Variants in SAR1A observed in about 807,000 individuals in gnomAD.
The protein encoded by SAR1A is small COPII coat GTPase SAR1A.
Under a neutral mutation model 22.6 loss-of-function variants are expected in SAR1A, and 6 were observed. The observed-to-expected ratio is 0.27, with a 90% CI of 0.15 to 0.52. The LOEUF (loss-of-function observed/expected upper bound fraction) is 0.52. Among genes scored for constraint, SAR1A ranks in the 20% least tolerant of loss-of-function variants. SAR1A has a pLI of 0.96. For synonymous variants in SAR1A, 70 were observed against 82.2 expected, an observed-to-expected ratio of 0.85 and a Z score of 0.80; for missense variants, 145 against 245.1, an observed-to-expected ratio of 0.59 and a Z score of 2.73.
chr10:70,165,960 A>G (rs1332542283), intron 1 of SAR1A, among the ~76,000 whole-genome samples: 1 of 152,252 alleles, frequency 6.6e-6, no homozygotes, highest in Non-Finnish European at 1.5e-5. Context: ...TGATCAGTCA[A>G]CAGCTATCAA....
rs1281998056 is a variant in SAR1A at position 70,149,109 on chromosome 10, G to A, written c.*3367C>T. On this transcript the variant is annotated 3_prime_UTR_variant, in exon 7 of 7. Transcript: ENST00000373241. Reference sequence around the variant, plus strand: ...GTACTTTTTATTTTTTTTGAGATGGGAGTCACCCAGGCTGGAGTGCAGTGG... The same window carrying A: ...GTACTTTTTATTTTTTTTGAGATGGAAGTCACCCAGGCTGGAGTGCAGTGG... The A allele has an allele frequency of 6.6e-6, 1 of 152,166 alleles. No individual in the cohort carries two copies. Among genetic ancestry groups the A allele is most frequent in the Non-Finnish European group, 1.5e-5 (1 of 68,096 alleles). The allele number at this position is 152,166 out of a possible 1,614,324, so 9.4% of individuals were successfully genotyped here. A position where few individuals can be genotyped will look rare whatever the true frequency, so the allele number is the denominator to read the frequency against.
chr10:70,159,576 G>T (rs2136714894), intron 4 of SAR1A, among the ~76,000 whole-genome samples: 1 of 152,232 alleles, frequency 6.6e-6, no homozygotes, highest in African/African-American at 2.4e-5. Flanking sequence ...AGTAGAGGTT[G>T]CAGTATGCCA....
In SAR1A at chr10:70,157,760, A is replaced by G; in HGVS notation, c.348+4T>C. On this transcript the variant is annotated splice_donor_region_variant and intron_variant, in intron 5 of 6. Transcript: ENST00000373241. ...TAAAATACACATTAAAGGACAAAAC[A>G]TACATTAAGCTCAACTTTGGATTCC... is the stretch of plus-strand genomic sequence containing the variant. 1 of 1,606,218 alleles carries G rather than the reference A, an allele frequency of 6.2e-7. No homozygotes were observed. Among genetic ancestry groups the G allele is most frequent in the Non-Finnish European group, 8.5e-7 (1 of 1,173,132 alleles).
chr10:70,158,757 C>CAAAAAAAAAAAA (rs58884949), intron 4 of SAR1A, among the ~76,000 whole-genome samples: 2 of 125,778 alleles, frequency 1.6e-5, no homozygotes, highest in Admixed American at 8.2e-5. Context: ...TTAAGTTATA[C>CAAAAAAAAAAAA]AAAAAAAAAA....
chr10:70,157,292 T>C (rs112321798), intron 5 of SAR1A, among the ~76,000 whole-genome samples: 4,382 of 151,716 alleles, frequency 0.029, 88 homozygotes, highest in East Asian at 0.058. Flanking sequence ...TAGTCCCAGC[T>C]ACTCGGGAGG....
At chr10:70,170,378 C>T (rs1382896211) in intron 1 of SAR1A, 35 bp downstream of exon 1, 4 of 151,368 alleles carry the variant, frequency 2.6e-5, no homozygotes, top group African/African-American at 7.3e-5. Flanking sequence ...CCCTCGAGCC[C>T]CAACTCCCCT....
intron 1 of SAR1A, 72 bp from the exon 2 acceptor site, chr10:70,162,003 G>C: frequency 9.0e-7 from 1 of 1,108,290 alleles, no homozygotes. Flanking sequence ...GTTAACTCTT[G>C]TTCCCTAGCC....
At position 70,157,835 on chromosome 10, in the gene SAR1A, T is replaced by C. The variant is rs1344803498; in HGVS notation, c.277A>G (p.Ile93Val). 3 of 1,613,680 alleles carry C rather than the reference T, an allele frequency of 1.9e-6. No individual in the cohort carries two copies. The highest frequency in any genetic ancestry group is 1.3e-5 in the African/African-American group (1 of 75,036). The change falls in exon 5 of 7, where the codon ATT becomes GTT. Residue 93 changes from isoleucine (I) to valine (V), a missense_variant. Ile to Val is a conservative substitution (Grantham distance 29). This residue lies in a region of SAR1A where 40 missense variants were observed against 105.7 expected (regional missense o/e 0.38). Coordinates refer to ENST00000373241, the MANE Select transcript of SAR1A (RefSeq NM_020150.5). ...TCCACCAGAAAGACAATCCCATTAATTGCTGGGAGATAATTTTTCCAAACG... is the reference window on the plus strand; with the variant it reads ...TCCACCAGAAAGACAATCCCATTAACTGCTGGGAGATAATTTTTCCAAACG... ...RRVWKNYLPA[I>V]NGIVFLVDCA...
chr10:70,162,421 G>GGGAAAGGAAA lies in SAR1A; in HGVS notation c.-16-500_-16-491dup, dbSNP rs376567923. On this transcript the variant is annotated intron_variant, in intron 1 of 6. Transcript: ENST00000373241. ...AAGGAAAGGGAAAGGGAAAGGGAAA[G>GGGAAAGGAAA]GGAAAGGAAAGGAAAGGAAAAGAAA... is the stretch of plus-strand genomic sequence containing the variant. Among the ~76,000 whole-genome samples, 1,076 of 115,566 alleles carry GGGAAAGGAAA rather than the reference G, an allele frequency of 9.3e-3. 28 individuals carry two copies. Among genetic ancestry groups the GGGAAAGGAAA allele is most frequent in the African/African-American group, 0.031 (936 of 30,478 alleles). 75.8% of individuals were successfully genotyped at this position (115,566 alleles called of 152,430 possible).
rs572694170 is a variant in SAR1A, at chr10:70,152,107, T to C, written c.*369A>G. The C allele has an allele frequency of 3.8e-6, 1 of 266,166 alleles. No individual in the cohort carries two copies. The highest frequency in any genetic ancestry group is 4.0e-5 in the South Asian group (1 of 24,786). The allele number at this position is 266,166 out of a possible 1,614,324, so 16.5% of individuals were successfully genotyped here. Reference sequence around the variant, plus strand: ...TGTGAACTCAAAAAGTTAGGAGGGATACCAATTACATTAACAACGCTTTCT... The same window carrying C: ...TGTGAACTCAAAAAGTTAGGAGGGACACCAATTACATTAACAACGCTTTCT... On this transcript the variant is annotated 3_prime_UTR_variant, in exon 7 of 7. Coordinates refer to ENST00000373241, the MANE Select transcript of SAR1A (RefSeq NM_020150.5).
chr10:70,150,321 T>G lies in SAR1A; in HGVS notation c.*2155A>C, dbSNP rs1370827017. 6.6e-6 allele frequency: 1 copy of G among 152,258 alleles called. No individual in the cohort carries two copies. The highest frequency in any genetic ancestry group is 1.5e-5 in the Non-Finnish European group (1 of 68,044). The allele number at this position is 152,258 out of a possible 1,614,324, so 9.4% of individuals were successfully genotyped here. ...CACTCTGATAAAACAGAATGAGAAG[T>G]CATAATTCATGGGAATTCCTATACA... is the stretch of plus-strand genomic sequence containing the variant. On this transcript the variant is annotated 3_prime_UTR_variant, in exon 7 of 7. Coordinates refer to ENST00000373241, the MANE Select transcript of SAR1A (RefSeq NM_020150.5).
intron 3 of SAR1A, 51 bp from the exon 4 acceptor site, chr10:70,161,120 C>A: frequency 7.7e-7 from 1 of 1,295,378 alleles, no homozygotes; most frequent in South Asian, 1.2e-5. Context: ...CAACAACCCC[C>A]AACTACTAGT....
chr10:70,160,945 G>T, intron 4 of SAR1A, 59 bp downstream of exon 4: 1 of 1,177,960 alleles, frequency 8.5e-7, no homozygotes, highest in Non-Finnish European at 1.2e-6. Context: ...TTTAAAAGGA[G>T]CTGGGAGGCA....
intron 3 of SAR1A, 49 bp from the exon 4 acceptor site, chr10:70,161,118 C>T (rs1196491689): frequency 7.6e-7 from 1 of 1,311,796 alleles, no homozygotes; most frequent in African/African-American, 1.5e-5. Flanking sequence ...CTCAACAACC[C>T]CCAACTACTA....
intron 1 of SAR1A, among the ~76,000 whole-genome samples, chr10:70,169,898 G>A (rs1038196690): frequency 6.6e-6 from 1 of 152,188 alleles, no homozygotes; most frequent in African/African-American, 2.4e-5. Flanking sequence ...AGAAAATACA[G>A]GGTTCGACCC....
chr10:70,152,356 G>A lies in SAR1A; in HGVS notation c.*120C>T. 1.1e-6 allele frequency: 1 copy of A among 933,140 alleles called. No homozygotes were observed. The highest frequency in any genetic ancestry group is 1.9e-5 in the Admixed American group (1 of 52,636). 57.8% of individuals were successfully genotyped at this position (933,140 alleles called of 1,614,324 possible). ...ATGAGAGAGTTGACAGAGACTCTTGGCTTCTCAACGCCAGACATGGTTGGA... is the reference window on the plus strand; with the variant it reads ...ATGAGAGAGTTGACAGAGACTCTTGACTTCTCAACGCCAGACATGGTTGGA... On this transcript the variant is annotated 3_prime_UTR_variant, in exon 7 of 7. Coordinates refer to ENST00000373241, the MANE Select transcript of SAR1A (RefSeq NM_020150.5).
At chr10:70,165,259 C>T (rs566757414) in intron 1 of SAR1A, among the ~76,000 whole-genome samples, 73 of 93,678 alleles carry the variant, frequency 7.8e-4, no homozygotes, top group African/African-American at 1.7e-3. Flanking sequence ...AGCGAGACTC[C>T]GTCTCAAAAA....
chr10:70,159,993 A>G (rs1407811122), intron 4 of SAR1A, among the ~76,000 whole-genome samples: 1 of 152,254 alleles, frequency 6.6e-6, no homozygotes, highest in Non-Finnish European at 1.5e-5. Flanking sequence ...CAAAATATCA[A>G]CTTGTATCAG....
intron 1 of SAR1A, among the ~76,000 whole-genome samples, 183 bp from the exon 2 acceptor site, chr10:70,162,114 C>A (rs1469182564): frequency 1.3e-5 from 2 of 151,858 alleles, no homozygotes; most frequent in African/African-American, 4.8e-5. Context: ...CCAAGGCAGG[C>A]GGATCACTTG....
Sources: allele counts gnomAD v4.1 joint callset (sites outside exome capture counted in the v4.1 genomes callset), GRCh38; gene constraint gnomAD v4.1.1; regional missense constraint gnomAD v4.1.1; transcripts MANE v1.5; gene names NCBI Gene and HGNC (gene_info 2026-07-23, HGNC 2026-07-21).